C3orf70: variants seen among roughly 807,000 people sequenced by gnomAD.
C3orf70 encodes UPF0524 protein C3orf70.
A neutral mutation model predicts 20.7 loss-of-function variants in C3orf70; 15 were observed. The ratio of observed to expected loss-of-function variants is 0.72; its 90% CI spans 0.48 to 1.11. C3orf70 has a LOEUF of 1.11. C3orf70 is among the 50% of genes most tolerant of loss of function. C3orf70 has a pLI of 0.00. For missense variants in C3orf70, 332 were observed against 317.6 expected, an observed-to-expected ratio of 1.05 and a Z score of -0.34; for synonymous variants, 161 against 125.7, an observed-to-expected ratio of 1.28 and a Z score of -1.88.
chr3:185,121,943 CA>C (rs1295077725), intron 1 of C3orf70, among the ~76,000 whole-genome samples: 3 of 151,878 alleles, frequency 2.0e-5, no homozygotes, highest in Admixed American at 6.6e-5. Context: ...ACTAAAAATA[CA>C]AAAAATTAGC....
chr3:185,107,661 A>C (rs532276586), intron 1 of C3orf70, among the ~76,000 whole-genome samples: 1 of 152,234 alleles, frequency 6.6e-6, no homozygotes, highest in African/African-American at 2.4e-5. Flanking sequence ...GAAAATGGGC[A>C]CATAGCTCCA....
At position 185,082,246 on chromosome 3, in the gene C3orf70, G is replaced by A. The variant is rs1176163949; in HGVS notation, c.*761C>T. On this transcript the variant is annotated 3_prime_UTR_variant, in exon 2 of 2. Transcript: ENST00000335012. ...CATGAGTTGAATGTGTCATATATAG[G>A]ACTGTGGGCCCCTTCATGGTGGGAA... 1 of 152,186 alleles carries A rather than the reference G, an allele frequency of 6.6e-6. No individual in the cohort carries two copies. The highest frequency in any genetic ancestry group is 2.4e-5 in the African/African-American group (1 of 41,424). 9.4% of individuals were successfully genotyped at this position (152,186 alleles called of 1,614,324 possible).
At chr3:185,119,287 T>A (rs1199703129) in intron 1 of C3orf70, among the ~76,000 whole-genome samples, 3 of 152,172 alleles carry the variant, frequency 2.0e-5, no homozygotes, top group Non-Finnish European at 4.4e-5. Flanking sequence ...AAGATGAGTA[T>A]GTTCTGGGGA....
chr3:185,137,345 G>A (rs570721499), intron 1 of C3orf70, among the ~76,000 whole-genome samples: 10 of 152,248 alleles, frequency 6.6e-5, no homozygotes, highest in South Asian at 2.1e-4. Flanking sequence ...TATCAGCTGC[G>A]TGAAAACGAA....
intron 1 of C3orf70, among the ~76,000 whole-genome samples, chr3:185,097,706 A>G (rs977999698): frequency 6.6e-6 from 1 of 152,222 alleles, no homozygotes; most frequent in Admixed American, 6.5e-5. Flanking sequence ...TTGAAGAGAA[A>G]AGAGACAGGG....
intron 1 of C3orf70, among the ~76,000 whole-genome samples, chr3:185,114,647 C>T (rs1337256568): frequency 6.6e-6 from 1 of 152,126 alleles, no homozygotes; most frequent in Non-Finnish European, 1.5e-5. Flanking sequence ...CCCTAAGGAG[C>T]AATAAAGCTC....
At chr3:185,144,237 A>T (rs969875988) in intron 1 of C3orf70, among the ~76,000 whole-genome samples, 1 of 152,142 alleles carries the variant, frequency 6.6e-6, no homozygotes, top group Non-Finnish European at 1.5e-5. Context: ...AGCTGGTACT[A>T]TTATCCCCAT....
intron 1 of C3orf70, among the ~76,000 whole-genome samples, chr3:185,086,992 G>T (rs781613889): frequency 2.0e-5 from 3 of 152,056 alleles, no homozygotes; most frequent in Non-Finnish European, 4.4e-5. Flanking sequence ...ATATCCCTGG[G>T]GTATCCTAGG....
At chr3:185,146,180 G>A (rs1465733186) in intron 1 of C3orf70, among the ~76,000 whole-genome samples, 2 of 151,666 alleles carry the variant, frequency 1.3e-5, no homozygotes, top group African/African-American at 2.4e-5. Context: ...ATCTCTGGAA[G>A]AGCTTTGAGG....
rs1577328298 is a variant in C3orf70 at position 185,120,033 on chromosome 3, A to AAAAAAGAAAAAGAAAAAAAAAGAAAG, written c.196+32594_196+32595insCTTTCTTTTTTTTTCTTTTTCTTTTT. 6.3e-4 allele frequency among the ~76,000 whole-genome samples: 63 copies of AAAAAAGAAAAAGAAAAAAAAAGAAAG among 100,658 alleles called. 2 individuals carry two copies. The highest frequency in any genetic ancestry group is 6.0e-3 in the Middle Eastern group (1 of 166). The allele number at this position is 100,658 out of a possible 152,430, so 66.0% of individuals were successfully genotyped here. A position where few individuals can be genotyped will look rare whatever the true frequency, so the allele number is the denominator to read the frequency against. On this transcript the variant is annotated intron_variant, in intron 1 of 1. Coordinates refer to ENST00000335012, the MANE Select transcript of C3orf70 (RefSeq NM_001025266.3). Reference sequence around the variant, plus strand: ...CTAGACTCTGTCTCAAAAAAAAAAAAAAAAAGAAAAAGAAAAAAGTGTCTT... The same window carrying AAAAAAGAAAAAGAAAAAAAAAGAAAG: ...CTAGACTCTGTCTCAAAAAAAAAAAAAAAAAGAAAAAGAAAAAAAAAGAAAGAAAAAGAAAAAGAAAAAAGTGTCTT...
chr3:185,117,761 T>C (rs1228431380), intron 1 of C3orf70, among the ~76,000 whole-genome samples: 1 of 152,224 alleles, frequency 6.6e-6, no homozygotes, highest in East Asian at 1.9e-4. Context: ...TCCTGCCTAC[T>C]TCTCCAGCTT....
intron 1 of C3orf70, among the ~76,000 whole-genome samples, chr3:185,146,891 A>G (rs1376405658): frequency 6.6e-6 from 1 of 152,240 alleles, no homozygotes; most frequent in African/African-American, 2.4e-5. Context: ...AAGTCCTGAC[A>G]GTTGAACCCT....
At position 185,152,754 on chromosome 3, in the gene C3orf70, G is replaced by A. The variant is rs768741413; in HGVS notation, c.70C>T (p.Leu24=). 9.4e-6 allele frequency: 15 copies of A among 1,593,674 alleles called. No homozygotes were observed. The highest frequency in any genetic ancestry group is 9.4e-6 in the Non-Finnish European group (11 of 1,170,840). ...KSEKLDEAQA[L]ARSCAARRPD... is the part of the protein sequence containing the mutation. The stretch of plus-strand genomic sequence containing the variant: ...CTGCGGGCGGCGCAACTCCGCGCCA[G>A]GGCCTGAGCCTCATCTAGTTTCTCG... Residue 24 remains leucine, a synonymous_variant, in exon 1 of 2, where the codon CTG becomes TTG. Coordinates refer to ENST00000335012, the MANE Select transcript of C3orf70 (RefSeq NM_001025266.3).
In C3orf70 at chr3:185,150,369, C is replaced by T. The variant is rs115252068; in HGVS notation, c.196+2259G>A. Among the ~76,000 whole-genome samples, 546 of 152,098 alleles carry T rather than the reference C, an allele frequency of 3.6e-3. 2 individuals carry two copies. Among genetic ancestry groups the T allele is most frequent in the African/African-American group, 0.013 (536 of 41,488 alleles). ...GTATGTGGATGACATGAACCTAGGA[C>T]AAACAGCTTATAAATATATTAAGAA... is the stretch of plus-strand genomic sequence containing the variant. On this transcript the variant is annotated intron_variant, in intron 1 of 1. Transcript: ENST00000335012.
intron 1 of C3orf70, among the ~76,000 whole-genome samples, chr3:185,132,214 CA>C (rs1472583779): frequency 1.3e-5 from 2 of 152,064 alleles, no homozygotes; most frequent in Admixed American, 1.3e-4. Flanking sequence ...TAAAAATGAG[CA>C]AGGCATTTAG....
intron 1 of C3orf70, among the ~76,000 whole-genome samples, chr3:185,125,320 C>T (rs1334430153): frequency 1.3e-5 from 2 of 151,992 alleles, no homozygotes; most frequent in Non-Finnish European, 2.9e-5. Context: ...GCAGAGGTTG[C>T]GGTGAGCTGA....
intron 1 of C3orf70, among the ~76,000 whole-genome samples, chr3:185,149,290 G>A (rs1243944035): frequency 6.6e-6 from 1 of 151,798 alleles, no homozygotes; most frequent in South Asian, 2.1e-4. Flanking sequence ...TACTTGGGAG[G>A]CTGAGGCAGG....
intron 1 of C3orf70, among the ~76,000 whole-genome samples, chr3:185,119,965 T>G (rs1457206906): frequency 7.3e-6 from 1 of 136,302 alleles, no homozygotes; most frequent in Non-Finnish European, 1.5e-5. Context: ...GAGGTTGCAG[T>G]GAGCTGAGAT....
At chr3:185,148,359 G>C (rs764265056) in intron 1 of C3orf70, among the ~76,000 whole-genome samples, 3 of 152,126 alleles carry the variant, frequency 2.0e-5, no homozygotes, top group Non-Finnish European at 4.4e-5. Flanking sequence ...TCAGTATTTC[G>C]TTGTTAGTGA....
Sources: gnomAD v4.1 joint callset for allele counts (sites outside exome capture counted in the v4.1 genomes callset) on GRCh38, gnomAD v4.1.1 for gene constraint, MANE v1.5 for transcripts, NCBI Gene and HGNC (gene_info 2026-07-23, HGNC 2026-07-21) for gene names.